The following PTBP3 variants were observed in gnomAD, a reference collection of about 807,000 sequenced individuals.
PTBP3 encodes the protein polypyrimidine tract-binding protein 3.
A neutral mutation model predicts 58.7 loss-of-function variants in PTBP3; 20 were observed. The observed-to-expected ratio is 0.34, with a 90% CI of 0.24 to 0.50. The LOEUF is 0.50. Among genes scored for constraint, PTBP3 ranks in the 20% least tolerant of loss-of-function variants. PTBP3 has a pLI of 0.98. For missense variants in PTBP3, 509 were observed against 637.2 expected (o/e 0.80, Z 2.17); for synonymous variants, 185 against 219.8 (o/e 0.84, Z 1.40).
chr9:112,223,618 C>G lies in PTBP3; in HGVS notation c.*233G>C. Reference sequence around the variant, plus strand: ...AAATTTTTTTCCTGATTTTCTTTTTCCTGAAGGTTATTTTTGTAGAAACCA... The same window carrying G: ...AAATTTTTTTCCTGATTTTCTTTTTGCTGAAGGTTATTTTTGTAGAAACCA... On this transcript the variant is annotated 3_prime_UTR_variant, in exon 14 of 14. Coordinates refer to ENST00000374257, the MANE Select transcript of PTBP3 (RefSeq NM_001163788.4). The G allele has an allele frequency of 6.6e-6, 8 of 1,220,146 alleles. No homozygotes were observed. The South Asian group carries it at 1.2e-4, about 19-fold the overall frequency. The allele number at this position is 1,220,146 out of a possible 1,614,324, so 75.6% of individuals were successfully genotyped here. A position where few individuals can be genotyped will look rare whatever the true frequency, so the allele number is the denominator to read the frequency against.
chr9:112,314,975 G>A (rs1196025892), intron 1 of PTBP3, among the ~76,000 whole-genome samples: 1 of 152,042 alleles, frequency 6.6e-6, no homozygotes, highest in African/African-American at 2.4e-5. Flanking sequence ...GGGACTACAG[G>A]CACACGCTGC....
chr9:112,376,441 A>G, the PTBP3 span, among the ~76,000 whole-genome samples: 1 of 151,254 alleles, frequency 6.6e-6, no homozygotes, highest in South Asian at 2.1e-4. Flanking sequence ...TTTAGTAGAG[A>G]TGGGGTTTCA....
intron 2 of PTBP3, 132 bp from the exon 3 acceptor site, chr9:112,276,145 G>A (rs1424496839): frequency 1.1e-5 from 8 of 738,544 alleles, no homozygotes; most frequent in East Asian, 5.6e-5. Context: ...GGGCTGATGG[G>A]GGTAGGTGGA....
At position 112,232,173 on chromosome 9, in the gene PTBP3, C is replaced by T; in HGVS notation, c.946G>A (p.Gly316Arg). 1 of 1,612,408 alleles carries T rather than the reference C, an allele frequency of 6.2e-7. No homozygotes were observed. The highest frequency in any genetic ancestry group is 8.5e-7 in the Non-Finnish European group (1 of 1,178,588). The change falls in exon 9 of 14, where the codon GGA (glycine) becomes AGA (arginine). Residue 316 changes from glycine to arginine, a missense_variant. Around this residue, in one of 4 missense-constraint regions of PTBP3, gnomAD observed 121 missense variants for 114.8 expected, o/e 1.05. Coordinates refer to ENST00000374257, the MANE Select transcript of PTBP3 (RefSeq NM_001163788.4). ...PLTITSSAVTGRMAIPGASGI... is the reference protein window; with the variant it reads ...PLTITSSAVTRRMAIPGASGI... The stretch of plus-strand genomic sequence containing the variant: ...CTAGCCCCAGGAATGGCCATCCTTC[C>T]AGTGACAGCAGAAGAGGTGATTGTG...
At chr9:112,239,282 A>G (rs1478364381) in intron 7 of PTBP3, among the ~76,000 whole-genome samples, 2 of 152,196 alleles carry the variant, frequency 1.3e-5, no homozygotes, top group Non-Finnish European at 2.9e-5. Context: ...TTGCATGGTT[A>G]TTTTGCTTCC....
At chr9:112,225,377 T>C (rs1333187995) in intron 12 of PTBP3, among the ~76,000 whole-genome samples, 2 of 152,014 alleles carry the variant, frequency 1.3e-5, no homozygotes, top group Non-Finnish European at 2.9e-5. Flanking sequence ...AACAACAACA[T>C]AGAATAGTGG....
At position 112,290,705 on chromosome 9, in the gene PTBP3, TATACAC is replaced by T. The variant is rs1219387175; in HGVS notation, c.34+7121_34+7126del. Reference sequence around the variant, plus strand: ...AAAAAAAAATATATATATATATATATATACACACACACACACACACACACACACACA... The same window carrying T: ...AAAAAAAAATATATATATATATATATACACACACACACACACACACACACA... On this transcript the variant is annotated intron_variant, in intron 2 of 13. Transcript: ENST00000374257. Among the ~76,000 whole-genome samples, 258 of 72,980 alleles carry T rather than the reference TATACAC, an allele frequency of 3.5e-3. 2 individuals are homozygous for T. The highest frequency in any genetic ancestry group is 0.011 in the African/African-American group (245 of 21,306). 47.9% of individuals were successfully genotyped at this position (72,980 alleles called of 152,430 possible). A position where few individuals can be genotyped will look rare whatever the true frequency, so the allele number is the denominator to read the frequency against.
chr9:112,350,673 T>C, the PTBP3 span, among the ~76,000 whole-genome samples: 1 of 152,198 alleles, frequency 6.6e-6, no homozygotes, highest in Non-Finnish European at 1.5e-5. Flanking sequence ...TAATTCTCTC[T>C]CACACTCTGT....
At chr9:112,270,469 C>G (rs1827328918) in intron 3 of PTBP3, among the ~76,000 whole-genome samples, 1 of 152,158 alleles carries the variant, frequency 6.6e-6, no homozygotes, top group African/African-American at 2.4e-5. Flanking sequence ...TCAAGTTTTA[C>G]TTAAAATAAT....
In PTBP3 at chr9:112,231,714, C is replaced by A. The variant is rs145178973; in HGVS notation, c.1021-301G>T. Among the ~76,000 whole-genome samples the A allele has an allele frequency of 5.3e-3, 791 of 150,052 alleles. 7 individuals are homozygous for A. Among genetic ancestry groups the A allele is most frequent in the African/African-American group, 0.018 (739 of 40,478 alleles). On this transcript the variant is annotated intron_variant, in intron 9 of 13. Transcript: ENST00000374257. ...CCCAGGAGCTTGAGACCAGCCTGGG[C>A]AACATAGCAAGATCCTGTTTTTACA... is the stretch of plus-strand genomic sequence containing the variant.
chr9:112,281,571 G>A (rs937804158), intron 2 of PTBP3, among the ~76,000 whole-genome samples: 1 of 152,128 alleles, frequency 6.6e-6, no homozygotes, highest in African/African-American at 2.4e-5. Flanking sequence ...GGCCTCATAA[G>A]AAAAAGTGGA....
intron 2 of PTBP3, among the ~76,000 whole-genome samples, chr9:112,282,240 T>A (rs10817310): frequency 0.27 from 40,657 of 152,064 alleles, 6,758 homozygotes; most frequent in South Asian, 0.41. Flanking sequence ...GTAGAATCAT[T>A]CTTGATACTG....
chr9:112,378,650 A>C, the PTBP3 span, among the ~76,000 whole-genome samples: 3 of 152,244 alleles, frequency 2.0e-5, no homozygotes, highest in Non-Finnish European at 2.9e-5. Flanking sequence ...ACTCTTCTTA[A>C]AACACCTAAT....
At position 112,222,978 on chromosome 9, in the gene PTBP3, T is replaced by G. The variant is rs1305262223; in HGVS notation, c.*873A>C. 1 of 854,056 alleles carries G rather than the reference T, an allele frequency of 1.2e-6. No individual in the cohort carries two copies. Among genetic ancestry groups the G allele is most frequent in the Non-Finnish European group, 1.4e-6 (1 of 710,206 alleles). The allele number at this position is 854,056 out of a possible 1,614,324, so 52.9% of individuals were successfully genotyped here. ...TATTTTCCTTAAGACTGTAAACTTT[T>G]TTTCTGAAAACAATTATAAAAAAGT... On this transcript the variant is annotated 3_prime_UTR_variant, in exon 14 of 14. Transcript: ENST00000374257.
At chr9:112,322,154 AAAG>A (rs1829980635) in intron 1 of PTBP3, among the ~76,000 whole-genome samples, 3 of 151,452 alleles carry the variant, frequency 2.0e-5, no homozygotes, top group Admixed American at 6.6e-5. Flanking sequence ...AAAAAAAAAA[AAAG>A]AAAGGCCCTT....
At chr9:112,302,284 A>G (rs1449719566) in intron 1 of PTBP3, among the ~76,000 whole-genome samples, 1 of 152,244 alleles carries the variant, frequency 6.6e-6, no homozygotes, top group Admixed American at 6.5e-5. Context: ...GAAATCTACC[A>G]AAAGAGTTAA....
At chr9:112,245,714 T>C (rs1044445155) in intron 7 of PTBP3, among the ~76,000 whole-genome samples, 1 of 152,160 alleles carries the variant, frequency 6.6e-6, no homozygotes, top group Non-Finnish European at 1.5e-5. Context: ...ATCTGGAATA[T>C]CTAGTGCTAG....
intron 7 of PTBP3, among the ~76,000 whole-genome samples, chr9:112,235,496 T>C (rs1835404429): frequency 6.6e-6 from 1 of 152,176 alleles, no homozygotes; most frequent in Admixed American, 6.6e-5. Context: ...TGGTCTTCTC[T>C]TTCCTTTAAG....
At chr9:112,308,336 C>T (rs1829318107) in intron 1 of PTBP3, among the ~76,000 whole-genome samples, 1 of 139,548 alleles carries the variant, frequency 7.2e-6, no homozygotes, top group African/African-American at 2.7e-5. Flanking sequence ...CAATGTTAAA[C>T]CTACTCCTTT....
Sources: gnomAD v4.1 joint callset for allele counts (sites outside exome capture counted in the v4.1 genomes callset) on GRCh38, gnomAD v4.1.1 for gene constraint, gnomAD v4.1.1 regional missense constraint, MANE v1.5 for transcripts, NCBI Gene and HGNC (gene_info 2026-07-23, HGNC 2026-07-21) for gene names.